The following ADAMTS16 variants were observed in gnomAD, a reference collection of about 807,000 sequenced individuals.
ADAMTS16 encodes the protein A disintegrin and metalloproteinase with thrombospondin motifs 16.
ADAMTS16 carries 94 observed loss-of-function variants against 145.8 expected under a neutral mutation model. The ratio of observed to expected loss-of-function variants is 0.64; its 90% CI spans 0.55 to 0.77. ADAMTS16 has a LOEUF of 0.77. Among genes scored for constraint, ADAMTS16 ranks in the 30% least tolerant of loss-of-function variants. The pLI is 0.00. For missense variants in ADAMTS16, 1,585 were observed against 1,591.5 expected (o/e 1.00, Z 0.07); for synonymous variants, 659 against 604.3 (o/e 1.09, Z -1.33).
chr5:5,311,300 C>CAAAA (rs57267931), intron 21 of ADAMTS16, among the ~76,000 whole-genome samples: 9 of 127,992 alleles, frequency 7.0e-5, no homozygotes, highest in East Asian at 2.3e-4. Context: ...TTGACATAGG[C>CAAAA]AAAAAAAAAA....
intron 18 of ADAMTS16, among the ~76,000 whole-genome samples, chr5:5,288,258 G>A (rs1372045678): frequency 2.0e-5 from 3 of 152,118 alleles, no homozygotes; most frequent in Non-Finnish European, 2.9e-5. Flanking sequence ...TTCACACCTT[G>A]AGAAATGAAT....
At chr5:5,307,295 C>T (rs115203832) in intron 21 of ADAMTS16, among the ~76,000 whole-genome samples, 250 of 152,320 alleles carry the variant, frequency 1.6e-3, no homozygotes, top group African/African-American at 6.0e-3. Flanking sequence ...AAGGCTGACA[C>T]TCGGTTCTCT....
chr5:5,253,264 G>A (rs1030834573), intron 17 of ADAMTS16, among the ~76,000 whole-genome samples: 18 of 152,238 alleles, frequency 1.2e-4, no homozygotes, highest in African/African-American at 3.9e-4. Context: ...AGGGAGACAT[G>A]AGACATTAAT....
chr5:5,239,854 T>C lies in ADAMTS16; in HGVS notation c.2452T>C (p.Tyr818His). 6.2e-7 allele frequency: 1 copy of C among 1,614,110 alleles called. No homozygotes were observed. The change falls in exon 16 of 23, where the codon TAC becomes CAC. Residue 818 changes from tyrosine to histidine, a missense_variant. By Grantham distance (83) the Tyr-to-His change is moderately conservative. This residue lies in a region of ADAMTS16 where 834 missense variants were observed against 811.7 expected (regional missense o/e 1.03). Coordinates refer to ENST00000274181, the MANE Select transcript of ADAMTS16 (RefSeq NM_139056.4). ...CAAATTTTCGGGCACTACTTTCGACTACAGACGGTCCTATAATGAGCCCGA... is the reference window on the plus strand; with the variant it reads ...CAAATTTTCGGGCACTACTTTCGACCACAGACGGTCCTATAATGAGCCCGA... ...RYKFSGTTFD[Y>H]RRSYNEPENL... is the part of the protein sequence containing the mutation.
rs958145148 is a variant in ADAMTS16 at position 5,222,773 on chromosome 5, T to C, written c.1606-16T>C. The C allele has an allele frequency of 2.5e-6, 4 of 1,609,308 alleles. No individual in the cohort carries two copies. Among genetic ancestry groups the C allele is most frequent in the Non-Finnish European group, 3.4e-6 (4 of 1,175,762 alleles). On this transcript the variant is annotated splice_polypyrimidine_tract_variant and intron_variant, in intron 10 of 22. Transcript: ENST00000274181. ...ATATGATGTAATCCTAATGACCTTT[T>C]ACAAAATTTCTTTAGGACATCTGTA... is the stretch of plus-strand genomic sequence containing the variant.
rs562642651 is a variant in ADAMTS16 at position 5,190,861 on chromosome 5, A to G, written c.1207+731A>G. On this transcript the variant is annotated intron_variant, in intron 7 of 22. Transcript: ENST00000274181. ...GCTGGACTCCGAGAACTCAGGTTGT[A>G]GGATGGTTCCCACTGCCCTACCTCC... Among the ~76,000 whole-genome samples, 23 of 152,116 alleles carry G rather than the reference A, an allele frequency of 1.5e-4. No homozygotes were observed. In the South Asian group the frequency reaches 4.8e-3, roughly 32 times the overall value.
chr5:5,172,171 A>G (rs139646082), intron 3 of ADAMTS16, among the ~76,000 whole-genome samples: 1 of 151,972 alleles, frequency 6.6e-6, no homozygotes, highest in East Asian at 1.9e-4. Flanking sequence ...AGGTTCATCA[A>G]TTTTGTTTAA....
chr5:5,198,448 G>T (rs1360437542), intron 8 of ADAMTS16, among the ~76,000 whole-genome samples: 1 of 152,066 alleles, frequency 6.6e-6, no homozygotes, highest in Non-Finnish European at 1.5e-5. Flanking sequence ...GATTTCCTTG[G>T]ATACCGCCTT....
At chr5:5,282,611 A>C (rs1738962587) in intron 18 of ADAMTS16, among the ~76,000 whole-genome samples, 2 of 152,192 alleles carry the variant, frequency 1.3e-5, no homozygotes, top group South Asian at 4.1e-4. Context: ...ACTCCCCAAC[A>C]GGGAAAGCCC....
intron 18 of ADAMTS16, among the ~76,000 whole-genome samples, chr5:5,272,991 C>T (rs1021863512): frequency 3.9e-5 from 6 of 152,130 alleles, no homozygotes; most frequent in African/African-American, 1.4e-4. Context: ...AAGAAGTAAC[C>T]ATGAGGGGCC....
intron 4 of ADAMTS16, among the ~76,000 whole-genome samples, chr5:5,184,345 G>A (rs995385680): frequency 3.3e-5 from 5 of 151,072 alleles, no homozygotes; most frequent in African/African-American, 9.7e-5. Context: ...CACTGTCACC[G>A]ATGCATGGAT....
chr5:5,239,860 C>T lies in ADAMTS16; in HGVS notation c.2458C>T (p.Arg820Trp), dbSNP rs747638541. The change falls in exon 16 of 23, where the codon CGG becomes TGG. Residue 820 changes from arginine (R) to tryptophan (W), a missense_variant. By Grantham distance (101) the Arg-to-Trp change is moderately radical. Coordinates refer to ENST00000274181, the MANE Select transcript of ADAMTS16 (RefSeq NM_139056.4). ...TTCGGGCACTACTTTCGACTACAGA[C>T]GGTCCTATAATGAGCCCGAGAACTT... ...KFSGTTFDYRRSYNEPENLIA... is the reference protein window; with the variant it reads ...KFSGTTFDYRWSYNEPENLIA... The T allele has an allele frequency of 2.8e-5, 45 of 1,613,974 alleles. No homozygotes were observed. Among genetic ancestry groups the T allele is most frequent in the African/African-American group, 6.7e-5 (5 of 74,884 alleles).
At chr5:5,160,700 A>C (rs1734717815) in intron 3 of ADAMTS16, among the ~76,000 whole-genome samples, 1 of 152,000 alleles carries the variant, frequency 6.6e-6, no homozygotes, top group Non-Finnish European at 1.5e-5. Flanking sequence ...ACATTTACTT[A>C]AACTAGTGAA....
At chr5:5,222,182 G>A (rs1736625095) in intron 10 of ADAMTS16, among the ~76,000 whole-genome samples, 2 of 152,174 alleles carry the variant, frequency 1.3e-5, no homozygotes, top group African/African-American at 4.8e-5. Flanking sequence ...GTGATTTACA[G>A]CAAATTCCTT....
At chr5:5,178,707 C>A (rs551754925) in intron 3 of ADAMTS16, among the ~76,000 whole-genome samples, 1 of 152,178 alleles carries the variant, frequency 6.6e-6, no homozygotes, top group Admixed American at 6.5e-5. Context: ...AATCTGCCAA[C>A]TGCAGCTGGA....
chr5:5,292,237 T>C (rs957903877), intron 18 of ADAMTS16, among the ~76,000 whole-genome samples: 15 of 152,242 alleles, frequency 9.9e-5, no homozygotes, highest in Non-Finnish European at 1.9e-4. Context: ...GGCTCACGCC[T>C]GTAATCCCAG....
Position 5,303,314 on chromosome 5 carries a change from G to T in ADAMTS16, c.2836G>T (p.Gly946Cys), listed in dbSNP as rs768166050. Residue 946 changes from glycine to cysteine, a missense_variant, in exon 19 of 23, where the codon GGT (glycine) becomes TGT (cysteine). Transcript: ENST00000274181. ...WSACSRTCGG[G>C]AQSRPVQCTR... ...TGCCTGCAGTCGGACGTGTGGCGGG[G>T]GTGCCCAGAGCCGCCCCGTGCAGTG... is the stretch of plus-strand genomic sequence containing the variant. The T allele has an allele frequency of 6.3e-7, 1 of 1,598,032 alleles. No homozygotes were observed. Among genetic ancestry groups the T allele is most frequent in the Non-Finnish European group, 8.5e-7 (1 of 1,170,942 alleles).
chr5:5,200,147 T>C lies in ADAMTS16; in HGVS notation c.1329T>C (p.His443=), dbSNP rs755278243. The C allele has an allele frequency of 1.9e-6, 3 of 1,611,248 alleles. No individual in the cohort carries two copies. The highest frequency in any genetic ancestry group is 2.2e-5 in the South Asian group (2 of 90,606). Residue 443 remains histidine, a synonymous_variant, in exon 9 of 23, where the codon CAT becomes CAC. Transcript: ENST00000274181. ...HESGHNFGMI[H]DGEGNMCKKS... ...TCTCTCATAGCTTTGGCATGATTCA[T>C]GATGGAGAAGGGAACATGTGCAAAA...
intron 8 of ADAMTS16, among the ~76,000 whole-genome samples, chr5:5,197,168 T>C (rs1197086160): frequency 6.6e-6 from 1 of 152,236 alleles, no homozygotes; most frequent in African/African-American, 2.4e-5. Context: ...ATGTCTCATG[T>C]CCTTAACCAC....
Sources: allele counts gnomAD v4.1 joint callset (sites outside exome capture counted in the v4.1 genomes callset), GRCh38; gene constraint gnomAD v4.1.1; regional missense constraint gnomAD v4.1.1; transcripts MANE v1.5; gene names NCBI Gene and HGNC (gene_info 2026-07-23, HGNC 2026-07-21).